The following NAV2 variants were observed in gnomAD, a reference collection of about 807,000 sequenced individuals.
NAV2 encodes the protein helicase, APC down-regulated 1.
NAV2 carries 54 observed loss-of-function variants against 223.2 expected under a neutral mutation model. The ratio of observed to expected loss-of-function variants is 0.24; its 90% CI spans 0.19 to 0.30. NAV2 has a LOEUF of 0.30. Among genes scored for constraint, NAV2 ranks in the 10% least tolerant of loss-of-function variants. The pLI is 1.00. For synonymous variants in NAV2, 1,279 were observed against 1,239.3 expected (o/e 1.03, Z -0.67); for missense variants, 2,806 against 3,147.5 (o/e 0.89, Z 2.60).
At chr11:19,531,806 G>A (rs1399287791) in intron 1 of NAV2, among the ~76,000 whole-genome samples, 2 of 152,156 alleles carry the variant, frequency 1.3e-5, no homozygotes, top group African/African-American at 4.8e-5. Context: ...CTGACTATAA[G>A]ACCATTATTT....
intron 11 of NAV2, among the ~76,000 whole-genome samples, chr11:20,029,094 A>G (rs2055418259): frequency 6.6e-6 from 1 of 152,222 alleles, no homozygotes; most frequent in African/African-American, 2.4e-5. Context: ...GCTTTTACTG[A>G]ACGAGGGGAG....
intron 1 of NAV2, among the ~76,000 whole-genome samples, chr11:19,728,399 T>C (rs948201661): frequency 3.9e-5 from 6 of 152,208 alleles, no homozygotes; most frequent in African/African-American, 1.4e-4. Flanking sequence ...CTTTGGCATC[T>C]GTATTTCTTA....
chr11:19,941,105 A>G (rs2046361714), intron 8 of NAV2, among the ~76,000 whole-genome samples: 1 of 152,154 alleles, frequency 6.6e-6, no homozygotes, highest in Non-Finnish European at 1.5e-5. Context: ...TCTCAGCAAA[A>G]TCCACATTTG....
intron 1 of NAV2, among the ~76,000 whole-genome samples, chr11:19,353,044 C>T (rs983420992): frequency 1.3e-5 from 2 of 152,122 alleles, no homozygotes; most frequent in African/African-American, 4.8e-5. Context: ...GGCTCATATA[C>T]CTCGGGTGAA....
At chr11:20,026,761 G>A (rs981220886) in intron 11 of NAV2, among the ~76,000 whole-genome samples, 1 of 152,196 alleles carries the variant, frequency 6.6e-6, no homozygotes, top group African/African-American at 2.4e-5. Flanking sequence ...ATGTGTCTGT[G>A]TTTAAATCTC....
In NAV2 at chr11:19,644,023, G is replaced by A. The variant is rs75763796; in HGVS notation, c.76-188461G>A. ...ATAAGTATCTTGGGTTAGTAAGTAG[G>A]TACCCCTGTGCGTATGTGTCTGTGT... On this transcript the variant is annotated intron_variant, in intron 1 of 37. Coordinates refer to the NAV2 transcript ENST00000360655. Among the ~76,000 whole-genome samples the A allele has an allele frequency of 9.2e-3, 1,395 of 152,200 alleles. 30 individuals carry two copies. Among genetic ancestry groups the A allele is most frequent in the East Asian group, 0.062 (321 of 5,162 alleles).
At chr11:19,346,957 C>A (rs543103907), upstream of NAV2, among the ~76,000 whole-genome samples, 1 of 152,102 alleles carries the variant, frequency 6.6e-6, no homozygotes, top group African/African-American at 2.4e-5. Flanking sequence ...TTGGAAAGAC[C>A]CTTCTTTTAG....
At chr11:19,800,936 T>C (rs1473176330) in intron 1 of NAV2, among the ~76,000 whole-genome samples, 2 of 152,302 alleles carry the variant, frequency 1.3e-5, no homozygotes, top group Middle Eastern at 3.4e-3. Flanking sequence ...AGGTCTTACC[T>C]CAGGACCCAG....
intron 1 of NAV2, among the ~76,000 whole-genome samples, chr11:19,393,576 G>A (rs1849326927): frequency 6.6e-6 from 1 of 152,124 alleles, no homozygotes; most frequent in Admixed American, 6.6e-5. Flanking sequence ...TATAGTTTTT[G>A]GAAACAAACA....
intron 3 of NAV2, among the ~76,000 whole-genome samples, chr11:19,847,489 A>G (rs934598945): frequency 1.3e-5 from 2 of 152,104 alleles, no homozygotes; most frequent in African/African-American, 2.4e-5. Flanking sequence ...CCCTCAGTGC[A>G]TCTAGACGGA....
chr11:19,868,780 A>T (rs2062261423), intron 3 of NAV2, 145 bp from the exon 4 acceptor site: 1 of 691,526 alleles, frequency 1.4e-6, no homozygotes, highest in Non-Finnish European at 2.4e-6. Flanking sequence ...TTCCTGTGCA[A>T]GTACAGACAA....
intron 1 of NAV2, among the ~76,000 whole-genome samples, chr11:19,373,625 TTTTG>T (rs764842297): frequency 8.5e-5 from 13 of 152,288 alleles, no homozygotes; most frequent in East Asian, 5.8e-4. Context: ...CCTCCCTGTT[TTTTG>T]TTTGTTTGTT....
At chr11:19,530,480 T>G (rs557616105) in intron 1 of NAV2, among the ~76,000 whole-genome samples, 11 of 152,340 alleles carry the variant, frequency 7.2e-5, no homozygotes, top group African/African-American at 2.6e-4. Context: ...TGGTCATTAT[T>G]TCCTCTTCAT....
At chr11:19,459,479 G>A (rs996527624) in intron 1 of NAV2, among the ~76,000 whole-genome samples, 1 of 152,206 alleles carries the variant, frequency 6.6e-6, no homozygotes, top group Admixed American at 6.6e-5. Context: ...TGGCCTGGGG[G>A]AGGTGATCAT....
At chr11:19,391,264 G>C (rs1277906361) in intron 1 of NAV2, among the ~76,000 whole-genome samples, 1 of 152,032 alleles carries the variant, frequency 6.6e-6, no homozygotes, top group Non-Finnish European at 1.5e-5. Context: ...CTGTCCCCCT[G>C]CTTCACCCTT....
At chr11:20,101,424 C>G (rs183809199) in intron 32 of NAV2, among the ~76,000 whole-genome samples, 17 of 152,216 alleles carry the variant, frequency 1.1e-4, no homozygotes, top group Admixed American at 1.0e-3. Context: ...TGCAATTTAC[C>G]AAGAATTTAT....
chr11:20,107,837 C>T (rs1353938206), intron 36 of NAV2, 55 bp downstream of exon 36: 9 of 1,205,592 alleles, frequency 7.5e-6, no homozygotes, highest in Non-Finnish European at 1.1e-5. Context: ...GTTCTGGTGA[C>T]CAGATGAGTT....
chr11:20,114,224 A>G (rs1391355237), intron 36 of NAV2, among the ~76,000 whole-genome samples: 2 of 152,204 alleles, frequency 1.3e-5, no homozygotes, highest in African/African-American at 4.8e-5. Flanking sequence ...GTGGGATTGT[A>G]CCATGGATGT....
At chr11:19,606,604 C>A (rs528414224) in intron 1 of NAV2, among the ~76,000 whole-genome samples, 1 of 152,252 alleles carries the variant, frequency 6.6e-6, no homozygotes, top group South Asian at 2.1e-4. Context: ...CAATGTTAGT[C>A]TCATCCAAAT....
Sources: gnomAD v4.1 joint callset for allele counts (sites outside exome capture counted in the v4.1 genomes callset) on GRCh38, gnomAD v4.1.1 for gene constraint, MANE v1.5 for transcripts, NCBI Gene and HGNC (gene_info 2026-07-23, HGNC 2026-07-21) for gene names.